The following ANXA4 variants were observed in gnomAD, a reference collection of about 807,000 sequenced individuals.
ANXA4 encodes the protein annexin A4.
A neutral mutation model predicts 49.8 loss-of-function variants in ANXA4; 39 were observed. That is an observed-to-expected ratio of 0.78 (90% CI 0.61 to 1.02). The LOEUF is 1.02. Among genes scored for constraint, ANXA4 ranks in the 50% least tolerant of loss-of-function variants. ANXA4 has a pLI of 0.00. For synonymous variants in ANXA4, 134 were observed against 152.5 expected (o/e 0.88, Z 0.89); for missense variants, 360 against 410.1 (o/e 0.88, Z 1.05).
chr2:69,755,937 C>T (rs1041468798), intron 1 of ANXA4, among the ~76,000 whole-genome samples: 12 of 152,140 alleles, frequency 7.9e-5, no homozygotes, highest in Non-Finnish European at 1.3e-4. Flanking sequence ...TATCTATGCT[C>T]TCGAGGGTAT....
At chr2:69,806,172 A>G (rs984405203) in intron 4 of ANXA4, among the ~76,000 whole-genome samples, 1 of 152,238 alleles carries the variant, frequency 6.6e-6, no homozygotes, top group Non-Finnish European at 1.5e-5. Flanking sequence ...TGCACAGACA[A>G]TGTCAAATAG....
At chr2:69,797,065 C>T (rs999417382) in intron 3 of ANXA4, among the ~76,000 whole-genome samples, 2 of 152,094 alleles carry the variant, frequency 1.3e-5, no homozygotes, top group African/African-American at 4.8e-5. Flanking sequence ...AGTAAGAAGG[C>T]CATGCCCTTC....
chr2:69,654,251 C>G (rs190621681), intron 2 of ANXA4, among the ~76,000 whole-genome samples: 1 of 152,330 alleles, frequency 6.6e-6, no homozygotes, highest in East Asian at 1.9e-4. Flanking sequence ...TTGACTTCCT[C>G]TCTTTCTATT....
intron 9 of ANXA4, chr2:69,816,760 C>A (rs1674011113): frequency 6.6e-6 from 1 of 152,216 alleles, no homozygotes; most frequent in Non-Finnish European, 1.5e-5. Flanking sequence ...TATTTGCTGT[C>A]AGGTTCATAT....
At chr2:69,787,961 T>C (rs1672484875) in intron 2 of ANXA4, 93 bp from the exon 3 acceptor site, 2 of 1,078,952 alleles carry the variant, frequency 1.9e-6, no homozygotes, top group Non-Finnish European at 2.8e-6. Context: ...CCATCTAGGC[T>C]ATGGTCAGTG....
intron 1 of ANXA4, among the ~76,000 whole-genome samples, chr2:69,650,628 A>T (rs1171400137): frequency 6.6e-6 from 1 of 151,944 alleles, no homozygotes; most frequent in Non-Finnish European, 1.5e-5. Context: ...TTATTTCTTA[A>T]TTTTTTGTAG....
chr2:69,745,559 C>T (rs1670575969), intron 1 of ANXA4, among the ~76,000 whole-genome samples: 1 of 152,006 alleles, frequency 6.6e-6, no homozygotes, highest in Non-Finnish European at 1.5e-5. Flanking sequence ...GAGACAGAGT[C>T]TTTCTCTGTC....
chr2:69,691,390 C>T (rs912845475), intron 2 of ANXA4, among the ~76,000 whole-genome samples: 1 of 152,090 alleles, frequency 6.6e-6, no homozygotes, highest in African/African-American at 2.4e-5. Context: ...GCTGGGATTA[C>T]AGGGATGAGC....
intron 12 of ANXA4, among the ~76,000 whole-genome samples, chr2:69,821,429 C>G (rs1674237892): frequency 6.6e-6 from 1 of 152,148 alleles, no homozygotes; most frequent in Admixed American, 6.5e-5. Flanking sequence ...ATTCTGAATC[C>G]TACTCAAAGC....
intron 1 of ANXA4, among the ~76,000 whole-genome samples, chr2:69,780,154 C>A (rs1672136219): frequency 6.6e-6 from 1 of 152,108 alleles, no homozygotes; most frequent in African/African-American, 2.4e-5. Flanking sequence ...AATGCAGATT[C>A]TGGGAGTAGG....
chr2:69,666,873 C>T (rs1278944285), intron 2 of ANXA4, among the ~76,000 whole-genome samples: 1 of 152,122 alleles, frequency 6.6e-6, no homozygotes, highest in African/African-American at 2.4e-5. Context: ...TGGCAAAATC[C>T]TGCCTCTACT....
At chr2:69,676,968 T>A (rs1466184090) in intron 2 of ANXA4, among the ~76,000 whole-genome samples, 1 of 152,120 alleles carries the variant, frequency 6.6e-6, no homozygotes, top group South Asian at 2.1e-4. Context: ...TAAGGCTATT[T>A]CTTTTTTTAT....
intron 2 of ANXA4, among the ~76,000 whole-genome samples, chr2:69,687,803 C>G (rs1420256864): frequency 6.6e-6 from 1 of 152,158 alleles, no homozygotes; most frequent in Non-Finnish European, 1.5e-5. Flanking sequence ...TTACAACTAT[C>G]AATTTTATAT....
At chr2:69,675,759 G>A (rs569897697) in intron 2 of ANXA4, among the ~76,000 whole-genome samples, 303 of 152,216 alleles carry the variant, frequency 2.0e-3, no homozygotes, top group Admixed American at 3.2e-3. Flanking sequence ...CTTAAAAATG[G>A]TTAAAATGAA....
intron 2 of ANXA4, among the ~76,000 whole-genome samples, chr2:69,680,682 T>C (rs1559073680): frequency 6.6e-6 from 1 of 152,194 alleles, no homozygotes. Context: ...GTTCCTTCTA[T>C]GCCTAGTTTG....
chr2:69,812,612 A>T, intron 7 of ANXA4, 41 bp from the exon 8 acceptor site: 2 of 1,561,058 alleles, frequency 1.3e-6, no homozygotes, highest in Non-Finnish European at 1.8e-6. Flanking sequence ...ATCTTCATGT[A>T]TACTCTCGAA....
upstream of ANXA4, among the ~76,000 whole-genome samples, chr2:69,741,444 T>C (rs746711596): frequency 3.9e-5 from 6 of 152,186 alleles, no homozygotes; most frequent in South Asian, 2.1e-4. Flanking sequence ...GTCTAAACTT[T>C]AGTCACTCAC....
chr2:69,815,982 A>G lies in ANXA4; in HGVS notation c.535-119A>G, dbSNP rs535705336. 6 of 755,650 alleles carry G rather than the reference A, an allele frequency of 7.9e-6. No individual in the cohort carries two copies. In the East Asian group the frequency reaches 8.0e-5, roughly 10 times the overall value. 46.8% of individuals were successfully genotyped at this position (755,650 alleles called of 1,614,324 possible). A position where few individuals can be genotyped will look rare whatever the true frequency, so the allele number is the denominator to read the frequency against. On this transcript the variant is annotated intron_variant, in intron 8 of 12. Transcript: ENST00000394295. ...TTTCCACTCACCACTACCATTTCCA[A>G]CCCCATCACCAACAAAATAAAACTA...
chr2:69,694,270 C>T (rs888378461), intron 2 of ANXA4, among the ~76,000 whole-genome samples: 1 of 152,084 alleles, frequency 6.6e-6, no homozygotes, highest in African/African-American at 2.4e-5. Context: ...GAGAACGCAG[C>T]AGGAAGATAT....
Sources: allele counts gnomAD v4.1 joint callset (sites outside exome capture counted in the v4.1 genomes callset), GRCh38; gene constraint gnomAD v4.1.1; transcripts MANE v1.5; gene names NCBI Gene and HGNC (gene_info 2026-07-23, HGNC 2026-07-21).